Variants in SPATA31H1 observed in about 807,000 individuals in gnomAD.
SPATA31H1 encodes SPATA31 subfamily H member 1.
At chr2:27,549,290 C>T in the SPATA31H1 span, among the ~76,000 whole-genome samples, 1 of 151,468 alleles carries the variant, frequency 6.6e-6, no homozygotes, top group Non-Finnish European at 1.5e-5. Context: ...TCAAGAGGCA[C>T]ATAATGTCTG....
At chr2:27,559,578 A>T in the SPATA31H1 span, among the ~76,000 whole-genome samples, 553 of 152,300 alleles carry the variant, frequency 3.6e-3, 3 homozygotes, top group Middle Eastern at 6.8e-3. Context: ...ATAAATTGAA[A>T]TCCCAAACTG....
the SPATA31H1 span, chr2:27,578,082 A>C: frequency 6.2e-7 from 1 of 1,614,178 alleles, no homozygotes; most frequent in Middle Eastern, 1.6e-4. Flanking sequence ...GGTAATCCTC[A>C]TAGATGTCCC....
At chr2:27,545,334 T>C in the SPATA31H1 span, among the ~76,000 whole-genome samples, 1 of 152,048 alleles carries the variant, frequency 6.6e-6, no homozygotes, top group Non-Finnish European at 1.5e-5. Flanking sequence ...GTTTATTTTT[T>C]GTGGTTAAAA....
chr2:27,577,712 C>A, the SPATA31H1 span: 3 of 1,614,066 alleles, frequency 1.9e-6, no homozygotes, highest in Non-Finnish European at 2.5e-6. This position sits in a 1 kb window ranked among gnomAD's most constrained non-coding sequence, Gnocchi z 4.5. Flanking sequence ...AATTAACCCC[C>A]AAACCACAGC....
chr2:27,581,615 C>T, the SPATA31H1 span: 2 of 1,594,260 alleles, frequency 1.3e-6, no homozygotes, highest in Non-Finnish European at 1.7e-6. Flanking sequence ...ATCGCGGTCC[C>T]TCAGAGAGAA....
the SPATA31H1 span, among the ~76,000 whole-genome samples, chr2:27,552,096 G>C: frequency 1.3e-5 from 2 of 151,996 alleles, no homozygotes; most frequent in African/African-American, 2.4e-5. Flanking sequence ...TTACAGGTGT[G>C]AGCCACCGTG....
At chr2:27,568,217 G>A in the SPATA31H1 span, 1 of 398,998 alleles carries the variant, frequency 2.5e-6, no homozygotes, top group Non-Finnish European at 4.4e-6. Flanking sequence ...TAGAGTCAGT[G>A]AAAATGAACA....
the SPATA31H1 span, chr2:27,577,556 A>G: frequency 6.2e-7 from 1 of 1,614,186 alleles, no homozygotes; most frequent in South Asian, 1.1e-5. This position sits in a 1 kb window ranked among gnomAD's most constrained non-coding sequence, Gnocchi z 4.5. Flanking sequence ...AAAGACTGCA[A>G]GGGGAAGAAT....
chr2:27,566,206 T>C, the SPATA31H1 span: 1 of 709,724 alleles, frequency 1.4e-6, no homozygotes, highest in Non-Finnish European at 2.6e-6. Flanking sequence ...CTTTCTCCTT[T>C]CTAAGTTAAA....
the SPATA31H1 span, chr2:27,569,295 T>C: frequency 1.3e-5 from 5 of 398,840 alleles, no homozygotes; most frequent in African/African-American, 1.0e-4. Context: ...TCTAGGGCCA[T>C]GTTCAGAAGT....
the SPATA31H1 span, among the ~76,000 whole-genome samples, chr2:27,548,938 G>C: frequency 2.0e-5 from 3 of 151,616 alleles, no homozygotes; most frequent in East Asian, 5.8e-4. Context: ...GCCAGGTGTG[G>C]TGGCACGCGC....
At chr2:27,573,872 G>C in the SPATA31H1 span, 1 of 398,348 alleles carries the variant, frequency 2.5e-6, no homozygotes, top group Admixed American at 4.4e-5. Flanking sequence ...TACTACACTT[G>C]AAAAGCAAGA....
chr2:27,569,770 G>A, the SPATA31H1 span: 86 of 398,900 alleles, frequency 2.2e-4, no homozygotes, highest in African/African-American at 1.4e-3. Context: ...GAGCTCCAAC[G>A]TGTAAAATCT....
At chr2:27,543,329 CAA>C in the SPATA31H1 span, among the ~76,000 whole-genome samples, 3 of 152,104 alleles carry the variant, frequency 2.0e-5, no homozygotes, top group African/African-American at 7.2e-5. Flanking sequence ...TATTTTAAAA[CAA>C]TATCTTTTTA....
At chr2:27,565,524 T>C in the SPATA31H1 span, 24 of 666,714 alleles carry the variant, frequency 3.6e-5, no homozygotes, top group Non-Finnish European at 6.0e-5. Flanking sequence ...CTCTTCTTTC[T>C]AGCATCTCCA....
chr2:27,580,005 C>T, the SPATA31H1 span: 1 of 1,614,186 alleles, frequency 6.2e-7, no homozygotes, highest in Non-Finnish European at 8.5e-7. Context: ...GCCTTATCTT[C>T]TTATCTATCC....
At chr2:27,572,459 A>T in the SPATA31H1 span, 2 of 398,188 alleles carry the variant, frequency 5.0e-6, no homozygotes, top group African/African-American at 4.1e-5. Context: ...GAGATATGAT[A>T]GCATCTAAAT....
At chr2:27,582,114 C>G in the SPATA31H1 span, 10 of 1,613,334 alleles carry the variant, frequency 6.2e-6, no homozygotes, top group Non-Finnish European at 7.6e-6. Context: ...AAGTCACAGT[C>G]CCTCAGAGAA....
At chr2:27,550,703 G>A in the SPATA31H1 span, among the ~76,000 whole-genome samples, 1 of 151,814 alleles carries the variant, frequency 6.6e-6, no homozygotes, top group Non-Finnish European at 1.5e-5. Flanking sequence ...ATAAGCATGA[G>A]TCACTGCGCC....
Sources: allele counts gnomAD v4.1 joint callset (sites outside exome capture counted in the v4.1 genomes callset), GRCh38; gene constraint gnomAD v4.1.1; non-coding constraint Gnocchi (gnomAD v3.1); transcripts MANE v1.5; gene names NCBI Gene and HGNC (gene_info 2026-07-23, HGNC 2026-07-21).